The following CFHR4 variants were observed in gnomAD, a reference collection of about 807,000 sequenced individuals.
The protein encoded by CFHR4 is complement factor H-related protein 4.
In CFHR4, 64 loss-of-function variants were observed where a neutral mutation model predicts 69.3. That is an observed-to-expected ratio of 0.92 (90% CI 0.76 to 1.14). The LOEUF (loss-of-function observed/expected upper bound fraction) is 1.14, where lower values mean the gene tolerates loss of function less well. CFHR4 is among the 50% of genes most tolerant of loss of function. CFHR4 has a pLI of 0.00. For missense variants in CFHR4, 636 were observed against 684.9 expected (o/e 0.93, Z 0.80); for synonymous variants, 244 against 237.0 (o/e 1.03, Z -0.27).
At chr1:196,896,267 A>C (rs1233641255) in intron 1 of CFHR4, among the ~76,000 whole-genome samples, 1 of 150,162 alleles carries the variant, frequency 6.7e-6, no homozygotes, top group Non-Finnish European at 1.5e-5. Context: ...TGTCTGTGTC[A>C]AGAATTAGCC....
Position 196,912,835 on chromosome 1 carries a change from A to G in CFHR4, c.1093A>G (p.Lys365Glu). ...AAATAAAGAAATACAATATAAATGT[A>G]AACCAGGATATGCAACAGCAGATGG... ...ILNKEIQYKC[K>E]PGYATADGNS... Residue 365 changes from lysine to glutamate, a missense_variant, in exon 7 of 10, where the codon AAA (lysine) becomes GAA (glutamate). Lys to Glu is a moderately conservative substitution (Grantham distance 56). This residue lies in a region of CFHR4 where 529 missense variants were observed against 533.2 expected (regional missense o/e 0.99). Coordinates refer to ENST00000608469, the MANE Select transcript of CFHR4 (RefSeq NM_001201550.3). 1 of 1,610,098 alleles carries G rather than the reference A, an allele frequency of 6.2e-7. No individual in the cohort carries two copies.
Position 196,902,405 on chromosome 1 carries a change from T to C in CFHR4, c.59-13T>C. ...AAACATTATTTATACTGTTTTTTGT[T>C]TTTTATTACAAGAAGTGAAACCTTG... On this transcript the variant is annotated splice_polypyrimidine_tract_variant and intron_variant, in intron 1 of 9. Coordinates refer to ENST00000608469, the MANE Select transcript of CFHR4 (RefSeq NM_001201550.3). 1 of 1,571,718 alleles carries C rather than the reference T, an allele frequency of 6.4e-7. No homozygotes were observed. Among genetic ancestry groups the C allele is most frequent in the Non-Finnish European group, 8.7e-7 (1 of 1,151,640 alleles).
chr1:196,891,623 C>A (rs1657042180), intron 1 of CFHR4, among the ~76,000 whole-genome samples: 1 of 151,354 alleles, frequency 6.6e-6, no homozygotes. Context: ...CTTAATTTTT[C>A]TTTAGTTATA....
intron 5 of CFHR4, among the ~76,000 whole-genome samples, chr1:196,909,626 A>G (rs1658125564): frequency 6.6e-6 from 1 of 151,346 alleles, no homozygotes; most frequent in Non-Finnish European, 1.5e-5. Context: ...ACTAATGTTA[A>G]TAAGGGCTAG....
chr1:196,916,722 G>A (rs1658657862), intron 9 of CFHR4, among the ~76,000 whole-genome samples: 3 of 151,658 alleles, frequency 2.0e-5, no homozygotes, highest in South Asian at 2.1e-4. Context: ...ATTGAATGGG[G>A]AGATGGACAC....
At position 196,911,813 on chromosome 1, in the gene CFHR4, T is replaced by C. The variant is rs190685949; in HGVS notation, c.998-927T>C. ...ATATTGTTGTGTGTCAAGCACTTTA[T>C]AGGTATTGAAAATAAAACTGTTTAC... On this transcript the variant is annotated intron_variant, in intron 6 of 9. Coordinates refer to ENST00000608469, the MANE Select transcript of CFHR4 (RefSeq NM_001201550.3). Among the ~76,000 whole-genome samples, 86 of 151,600 alleles carry C rather than the reference T, an allele frequency of 5.7e-4. 2 individuals carry two copies. The East Asian group carries it at 0.017, about 29-fold the overall frequency.
rs551021133 is a variant in CFHR4, at chr1:196,912,123, A to G, written c.998-617A>G. On this transcript the variant is annotated intron_variant, in intron 6 of 9. Transcript: ENST00000608469. ...TAGTAATGTATAGAACACATACATT[A>G]CTAATATATAAAGAACAAATACATT... Among the ~76,000 whole-genome samples the G allele has an allele frequency of 7.3e-5, 11 of 151,432 alleles. 1 individual carries two copies. The South Asian group carries it at 2.1e-3, about 29-fold the overall frequency.
At position 196,912,861 on chromosome 1, in the gene CFHR4, A is replaced by T. The variant is rs1558250066; in HGVS notation, c.1119A>T (p.Gly373=). The change falls in exon 7 of 10, where the codon GGA becomes GGT. Residue 373 remains glycine, a synonymous_variant. Transcript: ENST00000608469. ...KCKPGYATAD[G]NSSGSITCLQ... ...AACCAGGATATGCAACAGCAGATGGAAATTCTTCAGGTTCAATTACATGTT... is the reference window on the plus strand; with the variant it reads ...AACCAGGATATGCAACAGCAGATGGTAATTCTTCAGGTTCAATTACATGTT... The T allele has an allele frequency of 6.2e-7, 1 of 1,611,458 alleles. No individual in the cohort carries two copies. The highest frequency in any genetic ancestry group is 1.1e-5 in the South Asian group (1 of 90,680).
At chr1:196,896,655 T>G (rs935558368) in intron 1 of CFHR4, among the ~76,000 whole-genome samples, 1 of 151,552 alleles carries the variant, frequency 6.6e-6, no homozygotes, top group Non-Finnish European at 1.5e-5. Context: ...CATATGACAC[T>G]GTGCTAGGAG....
chr1:196,888,249 A>G (rs1327434864), intron 1 of CFHR4, 41 bp downstream of exon 1: 3 of 1,592,416 alleles, frequency 1.9e-6, no homozygotes, highest in Non-Finnish European at 1.7e-6. Context: ...TCCCTCTTAA[A>G]TGTAACTTCG....
intron 1 of CFHR4, among the ~76,000 whole-genome samples, chr1:196,897,562 G>A (rs1234530024): frequency 6.6e-6 from 1 of 151,322 alleles, no homozygotes; most frequent in African/African-American, 2.4e-5. Flanking sequence ...CAGCAAGTTG[G>A]ATAGGGAGCC....
At chr1:196,894,911 T>C (rs1657214369) in intron 1 of CFHR4, among the ~76,000 whole-genome samples, 1 of 29,038 alleles carries the variant, frequency 3.4e-5, no homozygotes, top group South Asian at 1.2e-3. Flanking sequence ...CAACAACAAA[T>C]TATTCAGGTA....
At position 196,905,133 on chromosome 1, in the gene CFHR4, A is replaced by G; in HGVS notation, c.282A>G (p.Glu94=). 1 of 1,602,438 alleles carries G rather than the reference A, an allele frequency of 6.2e-7. No individual in the cohort carries two copies. The highest frequency in any genetic ancestry group is 8.5e-7 in the Non-Finnish European group (1 of 1,175,158). Residue 94 remains glutamate, a synonymous_variant, in exon 3 of 10, where the codon GAA becomes GAG. Coordinates refer to ENST00000608469, the MANE Select transcript of CFHR4 (RefSeq NM_001201550.3). ...GAACATGCTCAAAATCAGATGTAGA[A>G]ATTGAAAATGGATTCATTTCTGAAT... ...CLRTCSKSDV[E]IENGFISESS...
At chr1:196,888,491 TTAAG>T (rs1159604653) in intron 1 of CFHR4, among the ~76,000 whole-genome samples, 1 of 151,250 alleles carries the variant, frequency 6.6e-6, no homozygotes, top group Non-Finnish European at 1.5e-5. Context: ...TCATAAAACT[TTAAG>T]TAGGAAACAT....
At chr1:196,908,204 T>C (rs1490039452) in intron 5 of CFHR4, among the ~76,000 whole-genome samples, 1 of 151,310 alleles carries the variant, frequency 6.6e-6, no homozygotes, top group Non-Finnish European at 1.5e-5. Flanking sequence ...AAACACCTAA[T>C]GTAGGTGATG....
At chr1:196,894,596 CG>C (rs1359726396) in intron 1 of CFHR4, among the ~76,000 whole-genome samples, 4 of 151,374 alleles carry the variant, frequency 2.6e-5, no homozygotes, top group African/African-American at 2.4e-5. Flanking sequence ...AGTTGAAAGA[CG>C]TTTTTTTTCT....
At chr1:196,912,612 T>G (rs567125954) in intron 6 of CFHR4, 128 bp from the exon 7 acceptor site, 1 of 1,099,530 alleles carries the variant, frequency 9.1e-7, no homozygotes, top group African/African-American at 1.6e-5. Context: ...AAACTTCCAG[T>G]TTTGCTGTTT....
At chr1:196,904,321 T>G (rs1323747122) in intron 2 of CFHR4, among the ~76,000 whole-genome samples, 2 of 151,648 alleles carry the variant, frequency 1.3e-5, no homozygotes, top group Non-Finnish European at 2.9e-5. Context: ...GACAAATGCT[T>G]TATTATAAAC....
At chr1:196,913,019 G>A in intron 7 of CFHR4, 97 bp downstream of exon 7, 1 of 1,583,292 alleles carries the variant, frequency 6.3e-7, no homozygotes. Context: ...ACACTTTTAG[G>A]AGTAAAGAGA....
Sources: allele counts gnomAD v4.1 joint callset (sites outside exome capture counted in the v4.1 genomes callset), GRCh38; gene constraint gnomAD v4.1.1; regional missense constraint gnomAD v4.1.1; transcripts MANE v1.5; gene names NCBI Gene and HGNC (gene_info 2026-07-23, HGNC 2026-07-21).